PPP3R1: variants seen among roughly 807,000 people sequenced by gnomAD.
PPP3R1 encodes the protein protein phosphatase 3 regulatory subunit B, alpha.
PPP3R1 carries 5 observed loss-of-function variants against 22.6 expected under a neutral mutation model. The observed-to-expected ratio is 0.22, with a 90% confidence interval of 0.12 to 0.46. The LOEUF (loss-of-function observed/expected upper bound fraction) is 0.46, where lower values mean the gene tolerates loss of function less well. PPP3R1 is among the 20% of genes least tolerant of loss of function. The pLI, the probability that PPP3R1 is intolerant of heterozygous loss-of-function variation, is 0.99. For missense variants in PPP3R1, 61 were observed against 203.2 expected (o/e 0.30, Z 4.25); for synonymous variants, 56 against 65.2 (o/e 0.86, Z 0.68).
intron 1 of PPP3R1, among the ~76,000 whole-genome samples, chr2:68,222,020 AAG>A (rs1669695753): frequency 6.6e-6 from 1 of 152,194 alleles, no homozygotes; most frequent in Non-Finnish European, 1.5e-5. Flanking sequence ...ACCAGATGGA[AAG>A]CTGGATCTAG....
intron 1 of PPP3R1, among the ~76,000 whole-genome samples, chr2:68,234,869 C>G (rs1669989145): frequency 6.6e-6 from 1 of 152,038 alleles, no homozygotes; most frequent in Non-Finnish European, 1.5e-5. Context: ...AAAGTCCTAG[C>G]AATGGGACAG....
At chr2:68,214,941 G>GTA (rs929089177) in intron 2 of PPP3R1, among the ~76,000 whole-genome samples, 14 of 152,068 alleles carry the variant, frequency 9.2e-5, no homozygotes, top group African/African-American at 3.4e-4. Context: ...ATACACCATG[G>GTA]TATACTACGC....
intron 2 of PPP3R1, 53 bp downstream of exon 2, chr2:68,217,039 C>CACAG (rs374427852): frequency 7.4e-6 from 8 of 1,085,568 alleles, no homozygotes; most frequent in African/African-American, 3.3e-5. Flanking sequence ...CACACACACA[C>CACAG]AGAGAGAGAT....
chr2:68,189,290 T>C (rs1674612298), intron 2 of PPP3R1, among the ~76,000 whole-genome samples: 1 of 152,126 alleles, frequency 6.6e-6, no homozygotes, highest in African/African-American at 2.4e-5. Context: ...ACTTTGCAAG[T>C]TTGAGCAAAT....
chr2:68,188,156 C>T (rs540327856), intron 3 of PPP3R1, among the ~76,000 whole-genome samples: 7 of 152,024 alleles, frequency 4.6e-5, no homozygotes, highest in South Asian at 2.1e-4. Flanking sequence ...GGCAAAAGAG[C>T]GAGACTCCAT....
At chr2:68,182,085 C>CACACACACACACACGACCAGTAG (rs1674422059) in intron 5 of PPP3R1, among the ~76,000 whole-genome samples, 1 of 120,506 alleles carries the variant, frequency 8.3e-6, no homozygotes, top group Non-Finnish European at 1.8e-5. Context: ...CCCCCTCCCC[C>CACACACACACACACGACCAGTAG]CACCACACAC....
chr2:68,212,338 C>T (rs1669502500), intron 2 of PPP3R1, among the ~76,000 whole-genome samples: 1 of 152,188 alleles, frequency 6.6e-6, no homozygotes, highest in Non-Finnish European at 1.5e-5. Flanking sequence ...ACCTTGGCCT[C>T]CGAAAGTGCT....
At chr2:68,187,143 C>G in intron 4 of PPP3R1, 112 bp downstream of exon 4, 1 of 898,988 alleles carries the variant, frequency 1.1e-6, no homozygotes, top group Non-Finnish European at 1.6e-6. Context: ...TCAGTTATGT[C>G]TAAGGATCTG....
At chr2:68,227,561 CT>C (rs1427422900) in intron 1 of PPP3R1, among the ~76,000 whole-genome samples, 2 of 149,602 alleles carry the variant, frequency 1.3e-5, no homozygotes, top group Non-Finnish European at 1.5e-5. Context: ...ATCCAAGCTT[CT>C]TTAATGATTT....
intron 1 of PPP3R1, among the ~76,000 whole-genome samples, chr2:68,227,099 AATGCATCTAT>A (rs960792538): frequency 2.0e-5 from 3 of 152,058 alleles, no homozygotes; most frequent in Non-Finnish European, 2.9e-5. Context: ...AGCTTTACAG[AATGCATCTAT>A]AAAGTTTATT....
At chr2:68,188,454 G>A (rs1345362296) in intron 3 of PPP3R1, 60 bp downstream of exon 3, 1 of 1,298,768 alleles carries the variant, frequency 7.7e-7, no homozygotes, top group Non-Finnish European at 1.0e-6. Flanking sequence ...TTTACACAGA[G>A]CTGTAAGAAT....
At chr2:68,199,942 A>G (rs1431688241) in intron 2 of PPP3R1, among the ~76,000 whole-genome samples, 1 of 152,182 alleles carries the variant, frequency 6.6e-6, no homozygotes, top group African/African-American at 2.4e-5. Flanking sequence ...AGGTAATGCT[A>G]GCTTCTATTT....
At chr2:68,215,930 T>C (rs1439622066) in intron 2 of PPP3R1, among the ~76,000 whole-genome samples, 1 of 152,224 alleles carries the variant, frequency 6.6e-6, no homozygotes, top group Non-Finnish European at 1.5e-5. Flanking sequence ...TAGTAAATAC[T>C]AAATTATAAA....
chr2:68,190,254 TTAAAAAAAAAAAAAA>T (rs1674635338), intron 2 of PPP3R1, among the ~76,000 whole-genome samples: 1 of 85,522 alleles, frequency 1.2e-5, no homozygotes, highest in Admixed American at 1.3e-4. Flanking sequence ...CAAGTTTCTC[TTAAAAAAAAAAAAAA>T]AAAAAAAAAA....
chr2:68,189,438 T>C (rs1674615637), intron 2 of PPP3R1, among the ~76,000 whole-genome samples: 1 of 152,248 alleles, frequency 6.6e-6, no homozygotes, highest in Admixed American at 6.5e-5. Flanking sequence ...GTCTCTTATA[T>C]AAATTCTTGA....
rs137948085 is a variant in PPP3R1 at position 68,193,638 on chromosome 2, C to T, written c.44-4948G>A. Among the ~76,000 whole-genome samples, 20 of 152,174 alleles carry T rather than the reference C, an allele frequency of 1.3e-4. No homozygotes were observed. In the East Asian group the frequency reaches 3.5e-3, roughly 26 times the overall value. On this transcript the variant is annotated intron_variant, in intron 2 of 5. Coordinates refer to ENST00000234310, the MANE Select transcript of PPP3R1 (RefSeq NM_000945.4). Reference sequence around the variant, plus strand: ...TGATTTCTTTGGTCATTACTGGCACCTGAGGGGCAGTTATTTAAGCACTTC... The same window carrying T: ...TGATTTCTTTGGTCATTACTGGCACTTGAGGGGCAGTTATTTAAGCACTTC...
At chr2:68,238,743 T>A (rs1358474829) in intron 1 of PPP3R1, among the ~76,000 whole-genome samples, 1 of 152,126 alleles carries the variant, frequency 6.6e-6, no homozygotes, top group African/African-American at 2.4e-5. Flanking sequence ...AGCACAATGA[T>A]GTCAATGGCA....
Position 68,178,985 on chromosome 2 carries a change from A to C in PPP3R1, c.*1978T>G, listed in dbSNP as rs2103706266. 4 of 130,226 alleles carry C rather than the reference A, an allele frequency of 3.1e-5. No homozygotes were observed. The highest frequency in any genetic ancestry group is 3.2e-5 in the Non-Finnish European group (2 of 62,346). 8.1% of individuals were successfully genotyped at this position (130,226 alleles called of 1,614,324 possible). A position where few individuals can be genotyped will look rare whatever the true frequency, so the allele number is the denominator to read the frequency against. On this transcript the variant is annotated 3_prime_UTR_variant, in exon 6 of 6. Coordinates refer to ENST00000234310, the MANE Select transcript of PPP3R1 (RefSeq NM_000945.4). ...ACCATCCCCTCCCTTACCCACCCCC[A>C]CACACAAACTAAAAAAAAAAAAAAA...
chr2:68,216,570 G>C (rs1001066987), intron 2 of PPP3R1, among the ~76,000 whole-genome samples: 2 of 152,056 alleles, frequency 1.3e-5, no homozygotes, highest in African/African-American at 4.8e-5. Context: ...CCCAACAGTG[G>C]CTGCATAACT....
Sources: gnomAD v4.1 joint callset for allele counts (sites outside exome capture counted in the v4.1 genomes callset) on GRCh38, gnomAD v4.1.1 for gene constraint, MANE v1.5 for transcripts, NCBI Gene and HGNC (gene_info 2026-07-23, HGNC 2026-07-21) for gene names.